ESS2: variants seen among roughly 807,000 people sequenced by gnomAD.
ESS2 encodes the protein splicing factor ESS-2 homolog.
In ESS2, 31 loss-of-function variants were observed where a neutral mutation model predicts 52.0. The observed-to-expected ratio is 0.60, with a 90% CI of 0.45 to 0.81. The LOEUF (loss-of-function observed/expected upper bound fraction) is 0.81, where lower values mean the gene tolerates loss of function less well. ESS2 is among the 30% of genes least tolerant of loss of function. The pLI, the probability that ESS2 is intolerant of heterozygous loss-of-function variation, is 0.00. For synonymous variants in ESS2, 285 were observed against 259.2 expected, an observed-to-expected ratio of 1.10 and a Z score of -0.95; for missense variants, 602 against 637.2, an observed-to-expected ratio of 0.94 and a Z score of 0.59.
intron 8 of ESS2, among the ~76,000 whole-genome samples, chr22:19,135,505 C>T (rs961517752): frequency 1.3e-5 from 2 of 152,220 alleles, no homozygotes; most frequent in Non-Finnish European, 2.9e-5. Context: ...GGCGCTTCCC[C>T]GTGTGCCTGT....
rs555224522 is a variant in ESS2 at position 19,133,912 on chromosome 22, C to T, written c.*284G>A. 5.2e-4 allele frequency: 174 copies of T among 335,812 alleles called. No homozygotes were observed. Among genetic ancestry groups the T allele is most frequent in the African/African-American group, 1.4e-3 (68 of 47,424 alleles). 20.8% of individuals were successfully genotyped at this position (335,812 alleles called of 1,614,324 possible). On this transcript the variant is annotated 3_prime_UTR_variant, in exon 10 of 10. Transcript: ENST00000252137. Reference sequence around the variant, plus strand: ...GCAAGGCTAGGGCTCGTGTGGGGAGCAAGATGGAGAGGCAACCCCCCAGAC... The same window carrying T: ...GCAAGGCTAGGGCTCGTGTGGGGAGTAAGATGGAGAGGCAACCCCCCAGAC...
In ESS2 at chr22:19,132,209, G is replaced by A. The variant is rs367597828; in HGVS notation, c.*1987C>T. On this transcript the variant is annotated 3_prime_UTR_variant, in exon 10 of 10. Transcript: ENST00000252137. The surrounding 1 kb of genome is among the most constrained non-coding windows in gnomAD (Gnocchi z 4.2). ...ACATCGATGAGATCCTCAGCCACTC[G>A]TGGCTGCAGCCCCCCAAGCCCAAAG... 6.0e-5 allele frequency: 96 copies of A among 1,612,406 alleles called. No individual in the cohort carries two copies. Among genetic ancestry groups the A allele is most frequent in the Middle Eastern group, 3.3e-4 (2 of 6,054 alleles).
Position 19,142,465 on chromosome 22 carries a change from C to T in ESS2, c.400+73G>A. 2.9e-6 allele frequency: 4 copies of T among 1,386,562 alleles called. No homozygotes were observed. In the South Asian group the frequency reaches 5.5e-5, roughly 19 times the overall value. 85.9% of individuals were successfully genotyped at this position (1,386,562 alleles called of 1,614,324 possible). On this transcript the variant is annotated intron_variant, in intron 3 of 9. Transcript: ENST00000252137. ...GTGGCCTGCAGCCCTCTGGACCACC[C>T]CCTCAGGGCCTCACAGGCTAAGATT... is the stretch of plus-strand genomic sequence containing the variant.
chr22:19,132,321 G>A lies in ESS2; in HGVS notation c.*1875C>T, dbSNP rs752596217. On this transcript the variant is annotated 3_prime_UTR_variant, in exon 10 of 10. Coordinates refer to ENST00000252137, the MANE Select transcript of ESS2 (RefSeq NM_022719.3). This position sits in a 1 kb window ranked among gnomAD's most constrained non-coding sequence, Gnocchi z 4.2. Reference sequence around the variant, plus strand: ...GGACACCAAGACAGGCTTGAGGCCCGACCACCGGCCCGACCACAAGCTTGG... The same window carrying A: ...GGACACCAAGACAGGCTTGAGGCCCAACCACCGGCCCGACCACAAGCTTGG... 2.2e-5 allele frequency: 35 copies of A among 1,612,736 alleles called. No individual in the cohort carries two copies. Among genetic ancestry groups the A allele is most frequent in the Non-Finnish European group, 3.0e-5 (35 of 1,179,980 alleles).
intron 3 of ESS2, 104 bp downstream of exon 3, chr22:19,142,434 C>T: frequency 9.7e-7 from 1 of 1,032,694 alleles, no homozygotes; most frequent in African/African-American, 1.6e-5. Flanking sequence ...CCCTCAGGAA[C>T]AAGATGTGGC....
intron 5 of ESS2, 134 bp from the exon 6 acceptor site, chr22:19,139,426 G>A: frequency 4.4e-6 from 6 of 1,370,678 alleles, no homozygotes; most frequent in Non-Finnish European, 5.0e-6. Context: ...CAGTGCCGCT[G>A]GAGAGGGTCT....
chr22:19,139,467 C>G (rs2083644533), intron 5 of ESS2, 145 bp downstream of exon 5: 1 of 1,195,456 alleles, frequency 8.4e-7, no homozygotes, highest in Non-Finnish European at 1.2e-6. Flanking sequence ...CAGACCTGTC[C>G]ACCCTTAGAC....
At chr22:19,143,942 C>A in intron 1 of ESS2, 1 of 664,316 alleles carries the variant, frequency 1.5e-6, no homozygotes, top group Non-Finnish European at 1.9e-6. Flanking sequence ...GTCTGCACCT[C>A]CAGCCAGACC....
At position 19,139,884 on chromosome 22, in the gene ESS2, G is replaced by C. The variant is rs1221719354; in HGVS notation, c.541C>G (p.Leu181Val). 2 of 1,614,040 alleles carry C rather than the reference G, an allele frequency of 1.2e-6. No individual in the cohort carries two copies. The highest frequency in any genetic ancestry group is 1.7e-6 in the Non-Finnish European group (2 of 1,180,014). Residue 181 changes from leucine to valine, a missense_variant, in exon 4 of 10, where the codon CTC becomes GTC. Transcript: ENST00000252137. ...KERSRARHAW[L>V]YQAEEEFEKR... ...TCAAACTCTTCCTCAGCCTGGTAGA[G>C]CCAAGCGTGGCGTGCCCGGCTTCTC...
Position 19,139,237 on chromosome 22 carries a change from G to A in ESS2, c.744C>T (p.Asn248=), listed in dbSNP as rs996255657. 1.2e-6 allele frequency: 2 copies of A among 1,608,998 alleles called. No homozygotes were observed. The highest frequency in any genetic ancestry group is 1.7e-6 in the Non-Finnish European group (2 of 1,177,498). ...TGAAGGGGTCCCTAAGGAAGCGCGT[G>A]TTCTTATGTACCACCTGCCGGGGCT... The part of the protein sequence containing the change: ...FKKPRQVVHK[N]TRFLRDPFSQ... The change falls in exon 6 of 10, where the codon AAC becomes AAT. Residue 248 remains asparagine, a synonymous_variant. Coordinates refer to ENST00000252137, the MANE Select transcript of ESS2 (RefSeq NM_022719.3).
intron 8 of ESS2, among the ~76,000 whole-genome samples, 157 bp downstream of exon 8, chr22:19,137,166 C>T (rs990459711): frequency 2.0e-5 from 3 of 152,158 alleles, no homozygotes; most frequent in African/African-American, 7.2e-5. Context: ...TCCACCCACC[C>T]ACACCTGCCT....
At chr22:19,138,008 G>A (rs2083613913) in intron 7 of ESS2, 1 of 985,412 alleles carries the variant, frequency 1.0e-6, no homozygotes, top group Non-Finnish European at 1.2e-6. Flanking sequence ...GGCCAGGTCT[G>A]CCTGAGAGTC....
chr22:19,134,613 T>C (rs1437682693), intron 9 of ESS2, 138 bp from the exon 10 acceptor site: 1 of 923,650 alleles, frequency 1.1e-6, no homozygotes, highest in Non-Finnish European at 1.5e-6. Context: ...ACTGCCAGCA[T>C]GGCAGCAAAT....
chr22:19,134,293 C>A lies in ESS2; in HGVS notation c.1334G>T (p.Gly445Val). Residue 445 changes from glycine (G) to valine (V), a missense_variant, in exon 10 of 10, where the codon GGC (glycine) becomes GTC (valine). Physicochemically the swap from Gly to Val is moderately radical, Grantham distance 109. Coordinates refer to ENST00000252137, the MANE Select transcript of ESS2 (RefSeq NM_022719.3). ...LQTPTSTPAP[G>V]SATRTPLTQD... is the part of the protein sequence containing the mutation. ...TGTGAGAGGGGTGCGTGTGGCAGAG[C>A]CAGGCGCCGGTGTGCTTGTGGGGGT... The A allele has an allele frequency of 6.3e-7, 1 of 1,599,576 alleles. No individual in the cohort carries two copies.
At position 19,134,100 on chromosome 22, in the gene ESS2, C is replaced by A. The variant is rs1193202299; in HGVS notation, c.*96G>T. The A allele has an allele frequency of 9.6e-6, 13 of 1,356,818 alleles. No individual in the cohort carries two copies. Among genetic ancestry groups the A allele is most frequent in the Non-Finnish European group, 1.0e-5 (11 of 1,049,642 alleles). 84.0% of individuals were successfully genotyped at this position (1,356,818 alleles called of 1,614,324 possible). ...CTGGTATGGTCAACAGCTTCTGGCCCAGGCCTGGGCCCCGAGAAGGCTGGA... is the reference window on the plus strand; with the variant it reads ...CTGGTATGGTCAACAGCTTCTGGCCAAGGCCTGGGCCCCGAGAAGGCTGGA... On this transcript the variant is annotated 3_prime_UTR_variant, in exon 10 of 10. Transcript: ENST00000252137.
chr22:19,140,092 C>G lies in ESS2; in HGVS notation c.401-68G>C, dbSNP rs946527559. ...GTCAGGAAAGAGGAGGACACCCAGG[C>G]CCAGGAATCATAGCCCCCAACATGC... On this transcript the variant is annotated intron_variant, in intron 3 of 9. Coordinates refer to ENST00000252137, the MANE Select transcript of ESS2 (RefSeq NM_022719.3). 3.8e-6 allele frequency: 6 copies of G among 1,570,462 alleles called. No individual in the cohort carries two copies. The Admixed American group carries it at 1.0e-4, about 27-fold the overall frequency.
chr22:19,136,957 A>G (rs115783206), intron 8 of ESS2, among the ~76,000 whole-genome samples: 2,449 of 152,116 alleles, frequency 0.016, 69 homozygotes, highest in African/African-American at 0.056. Flanking sequence ...GCGTGTCCCA[A>G]TCGTGTTCTG....
rs145764992 is a variant in ESS2, at chr22:19,143,613, T to C, written c.136-719A>G. Among the ~76,000 whole-genome samples, 1,015 of 152,258 alleles carry C rather than the reference T, an allele frequency of 6.7e-3. 18 individuals are homozygous for C. Among genetic ancestry groups the C allele is most frequent in the African/African-American group, 0.023 (939 of 41,544 alleles). On this transcript the variant is annotated intron_variant, in intron 1 of 9. Transcript: ENST00000252137. ...GCTCACGCCTGTAATCCCAGCACTT[T>C]GAGAGGCCAAGGCGGGCGGATCACC...
At chr22:19,141,468 G>T (rs546015506) in intron 3 of ESS2, among the ~76,000 whole-genome samples, 6 of 152,114 alleles carry the variant, frequency 3.9e-5, no homozygotes, top group African/African-American at 1.4e-4. Flanking sequence ...TTCCTAAACC[G>T]ACTCCCCCAT....
Sources: allele counts gnomAD v4.1 joint callset (sites outside exome capture counted in the v4.1 genomes callset), GRCh38; gene constraint gnomAD v4.1.1; non-coding constraint Gnocchi (gnomAD v3.1); transcripts MANE v1.5; gene names NCBI Gene and HGNC (gene_info 2026-07-23, HGNC 2026-07-21).